The following LDLRAD4 variants were observed in gnomAD, a reference collection of about 807,000 sequenced individuals.
The protein encoded by LDLRAD4 is low density lipoprotein receptor class A domain containing 4.
LDLRAD4 carries 5 observed loss-of-function variants against 17.0 expected under a neutral mutation model. That is an observed-to-expected ratio of 0.29 (90% CI 0.15 to 0.62). The LOEUF (loss-of-function observed/expected upper bound fraction) is 0.62, where lower values mean the gene tolerates loss of function less well. Among genes scored for constraint, LDLRAD4 ranks in the 20% least tolerant of loss-of-function variants. The pLI is 0.84. For missense variants in LDLRAD4, 340 were observed against 424.7 expected, an observed-to-expected ratio of 0.80 and a Z score of 1.75; for synonymous variants, 168 against 171.8, an observed-to-expected ratio of 0.98 and a Z score of 0.17.
At chr18:13,243,676 C>T (rs1263849433) in intron 1 of LDLRAD4, among the ~76,000 whole-genome samples, 1 of 150,636 alleles carries the variant, frequency 6.6e-6, no homozygotes, top group African/African-American at 2.4e-5. Context: ...GTCTACCCAT[C>T]CATCTATCAT....
chr18:13,543,572 T>C (rs1036609793), intron 3 of LDLRAD4: 1 of 152,230 alleles, frequency 6.6e-6, no homozygotes, highest in African/African-American at 2.4e-5. Context: ...ATTTACATGA[T>C]TGCATTATTG....
chr18:13,402,296 C>T (rs1459908858), intron 2 of LDLRAD4, among the ~76,000 whole-genome samples: 1 of 152,114 alleles, frequency 6.6e-6, no homozygotes, highest in South Asian at 2.1e-4. Flanking sequence ...GGTTATAGGA[C>T]CCTGCTACCC....
chr18:13,421,618 C>G (rs547066922), intron 2 of LDLRAD4, among the ~76,000 whole-genome samples: 1 of 152,192 alleles, frequency 6.6e-6, no homozygotes, highest in African/African-American at 2.4e-5. Context: ...GGCCTTCACG[C>G]GTCAGAAGGC....
At chr18:13,394,607 T>A (rs762921609) in intron 2 of LDLRAD4, among the ~76,000 whole-genome samples, 16 of 152,252 alleles carry the variant, frequency 1.1e-4, no homozygotes, top group Non-Finnish European at 2.2e-4. Flanking sequence ...TTTTTATTTA[T>A]GCTCAGAGCA....
intron 1 of LDLRAD4, among the ~76,000 whole-genome samples, chr18:13,358,037 A>T (rs755204248): frequency 7.2e-5 from 11 of 151,996 alleles, no homozygotes; most frequent in Non-Finnish European, 4.4e-5. Flanking sequence ...GTCTTCTTTG[A>T]TGGCTTCTTT....
intron 1 of LDLRAD4, among the ~76,000 whole-genome samples, chr18:13,327,574 C>T (rs181337531): frequency 1.3e-5 from 2 of 151,304 alleles, no homozygotes; most frequent in East Asian, 1.9e-4. Flanking sequence ...CCATATGGTG[C>T]GTGTATTTTT....
intron 3 of LDLRAD4, among the ~76,000 whole-genome samples, chr18:13,457,752 C>T (rs897589505): frequency 1.3e-5 from 2 of 152,148 alleles, no homozygotes; most frequent in Non-Finnish European, 2.9e-5. Context: ...ATCCCAGGGC[C>T]CTCTGCTGTG....
chr18:13,376,932 C>T lies in LDLRAD4; in HGVS notation c.-382-10409C>T, dbSNP rs73953225. ...GAACACAGCGGTGGGGTTTGTGGCC[C>T]CATTAGTTAGAGACCAGGCAGCCTT... On this transcript the variant is annotated intron_variant, in intron 1 of 5. Coordinates refer to ENST00000359446, the Ensembl canonical transcript of LDLRAD4. 8.0e-3 allele frequency among the ~76,000 whole-genome samples: 1,217 copies of T among 152,326 alleles called. 15 individuals are homozygous for T. Among genetic ancestry groups the T allele is most frequent in the African/African-American group, 0.027 (1,122 of 41,558 alleles).
At chr18:13,350,249 A>C (rs1228365918) in intron 1 of LDLRAD4, among the ~76,000 whole-genome samples, 1 of 152,236 alleles carries the variant, frequency 6.6e-6, no homozygotes, top group East Asian at 1.9e-4. Context: ...TTCTACCATC[A>C]GTGCAAAAGC....
intron 3 of LDLRAD4, among the ~76,000 whole-genome samples, chr18:13,518,731 G>T (rs1489129007): frequency 6.6e-6 from 1 of 152,150 alleles, no homozygotes; most frequent in African/African-American, 2.4e-5. Flanking sequence ...AACATCCCCA[G>T]CTTTGACTAT....
intron 1 of LDLRAD4, among the ~76,000 whole-genome samples, chr18:13,329,949 C>G: frequency 6.6e-6 from 1 of 151,012 alleles, no homozygotes; most frequent in South Asian, 2.1e-4. Context: ...GATGTAACTT[C>G]CACTCCCTCC....
chr18:13,590,101 A>G (rs2094995884), intron 3 of LDLRAD4, among the ~76,000 whole-genome samples: 1 of 146,416 alleles, frequency 6.8e-6, no homozygotes, highest in South Asian at 2.2e-4. Flanking sequence ...GTGAGTGTGC[A>G]TGTGTGTGAC....
intron 1 of LDLRAD4, among the ~76,000 whole-genome samples, chr18:13,373,965 A>G (rs535821969): frequency 1.9e-4 from 29 of 152,262 alleles, no homozygotes; most frequent in African/African-American, 7.0e-4. Context: ...ATTTATAAAT[A>G]TTTTCTAAAT....
chr18:13,444,597 G>C (rs879451220), intron 3 of LDLRAD4, among the ~76,000 whole-genome samples: 1 of 152,164 alleles, frequency 6.6e-6, no homozygotes, highest in Non-Finnish European at 1.5e-5. Flanking sequence ...TCAAAGGTCA[G>C]CTGCACATAG....
intron 3 of LDLRAD4, among the ~76,000 whole-genome samples, chr18:13,477,824 G>T (rs1214201346): frequency 6.6e-6 from 1 of 152,172 alleles, no homozygotes; most frequent in Non-Finnish European, 1.5e-5. Context: ...GGCAGTCAAG[G>T]GCATCCCTCA....
chr18:13,296,287 T>C (rs1419107520), intron 1 of LDLRAD4, among the ~76,000 whole-genome samples: 1 of 152,250 alleles, frequency 6.6e-6, no homozygotes, highest in African/African-American at 2.4e-5. Context: ...TCTGTCAGGA[T>C]AGGCTGAGGT....
intron 1 of LDLRAD4, among the ~76,000 whole-genome samples, chr18:13,348,934 G>A (rs1217070524): frequency 6.6e-6 from 1 of 152,192 alleles, no homozygotes; most frequent in Non-Finnish European, 1.5e-5. Flanking sequence ...CGCAGCATTA[G>A]GGTGGGAGAG....
intron 3 of LDLRAD4, among the ~76,000 whole-genome samples, chr18:13,529,827 G>C (rs1328112029): frequency 6.6e-6 from 1 of 152,226 alleles, no homozygotes; most frequent in Non-Finnish European, 1.5e-5. Context: ...GTGTCCTCTT[G>C]TTACGCTGTT....
At position 13,622,402 on chromosome 18, in the gene LDLRAD4, G is replaced by A. The variant is rs571551266; in HGVS notation, c.336+1131G>A. ...CTTCAGACCATGGTGAGGGCTAGACGGGGCAGCCTCGGGGAGGAGATGGGA... is the reference window on the plus strand; with the variant it reads ...CTTCAGACCATGGTGAGGGCTAGACAGGGCAGCCTCGGGGAGGAGATGGGA... On this transcript the variant is annotated intron_variant, in intron 4 of 5. Coordinates refer to ENST00000359446, the Ensembl canonical transcript of LDLRAD4. This position sits in a 1 kb window ranked among gnomAD's most constrained non-coding sequence, Gnocchi z 5.3. Among the ~76,000 whole-genome samples, 256 of 152,280 alleles carry A rather than the reference G, an allele frequency of 1.7e-3. No homozygotes were observed. The highest frequency in any genetic ancestry group is 2.7e-3 in the Non-Finnish European group (182 of 68,016).
Sources: allele counts gnomAD v4.1 joint callset (sites outside exome capture counted in the v4.1 genomes callset), GRCh38; gene constraint gnomAD v4.1.1; non-coding constraint Gnocchi (gnomAD v3.1); transcripts MANE v1.5; gene names NCBI Gene and HGNC (gene_info 2026-07-23, HGNC 2026-07-21).